The following EML5 variants were observed in gnomAD, a reference collection of about 807,000 sequenced individuals.
EML5 encodes EMAP like 5, also known as echinoderm microtubule-associated protein-like 5.
A neutral mutation model predicts 250.0 loss-of-function variants in EML5; 120 were observed. The observed-to-expected ratio is 0.48, with a 90% CI of 0.41 to 0.56. The LOEUF is 0.56. Among genes scored for constraint, EML5 ranks in the 20% least tolerant of loss-of-function variants. EML5 has a pLI of 0.00. For synonymous variants in EML5, 771 were observed against 806.5 expected (o/e 0.96, Z 0.75); for missense variants, 2,006 against 2,437.6 (o/e 0.82, Z 3.73).
intron 5 of EML5, 107 bp from the exon 6 acceptor site, chr14:88,739,121 T>C (rs2093888284): frequency 9.2e-7 from 1 of 1,089,404 alleles, no homozygotes. Flanking sequence ...TGGTAGGATA[T>C]AAGAATAAAC....
intron 6 of EML5, 90 bp downstream of exon 6, chr14:88,738,789 A>G: frequency 7.1e-7 from 1 of 1,407,294 alleles, no homozygotes; most frequent in South Asian, 1.4e-5. Flanking sequence ...TTATATTTAC[A>G]AAACTTACAT....
At chr14:88,632,767 G>C (rs954278504) in intron 33 of EML5, among the ~76,000 whole-genome samples, 1 of 152,156 alleles carries the variant, frequency 6.6e-6, no homozygotes, top group East Asian at 1.9e-4. Flanking sequence ...GCTTTCTTCA[G>C]GGCGTTTGGT....
chr14:88,754,731 G>T (rs755962863), intron 1 of EML5, 60 bp from the exon 2 acceptor site: 5 of 1,387,696 alleles, frequency 3.6e-6, no homozygotes, highest in Non-Finnish European at 5.0e-6. Context: ...AGATTTTATA[G>T]TATTTGGTAG....
intron 21 of EML5, among the ~76,000 whole-genome samples, chr14:88,676,497 C>A (rs2092596915): frequency 6.6e-6 from 1 of 152,206 alleles, no homozygotes; most frequent in Non-Finnish European, 1.5e-5. Context: ...GTCCCTCCCA[C>A]AACATGTAGG....
Position 88,697,577 on chromosome 14 carries a change from G to A in EML5, c.2239-625C>T, listed in dbSNP as rs930776834. On this transcript the variant is annotated intron_variant, in intron 14 of 43. Transcript: ENST00000554922. ...AACTTGGTTTATGATGTTCACTAATGCACAGGTAAACTATCAATTCTTAAT... is the reference window on the plus strand; with the variant it reads ...AACTTGGTTTATGATGTTCACTAATACACAGGTAAACTATCAATTCTTAAT... 6.6e-5 allele frequency among the ~76,000 whole-genome samples: 10 copies of A among 152,126 alleles called. No individual in the cohort carries two copies. The East Asian group carries it at 1.7e-3, about 26-fold the overall frequency.
At chr14:88,662,717 T>C (rs1303385691) in intron 24 of EML5, among the ~76,000 whole-genome samples, 1 of 151,744 alleles carries the variant, frequency 6.6e-6, no homozygotes, top group Non-Finnish European at 1.5e-5. Flanking sequence ...TAATTTTTTG[T>C]ATTTTTTTGT....
At chr14:88,736,003 CTT>C (rs11321542) in intron 7 of EML5, among the ~76,000 whole-genome samples, 122 of 122,114 alleles carry the variant, frequency 1.0e-3, no homozygotes, top group East Asian at 4.0e-3. Flanking sequence ...TTTTTTCTTT[CTT>C]TTTTTTTTTT....
At position 88,792,701 on chromosome 14, in the gene EML5, G is replaced by T. The variant is rs936399410; in HGVS notation, c.-198C>A. On this transcript the variant is annotated 5_prime_UTR_variant, in exon 1 of 44. Coordinates refer to ENST00000554922, the MANE Select transcript of EML5 (RefSeq NM_183387.3). The surrounding 1 kb of genome is among the most constrained non-coding windows in gnomAD (Gnocchi z 6.9). Reference sequence around the variant, plus strand: ...CAGGCGGGAGGAAAACCCTCGCCTCGCGGAACATGCTGAGGGCCGCGAGCG... The same window carrying T: ...CAGGCGGGAGGAAAACCCTCGCCTCTCGGAACATGCTGAGGGCCGCGAGCG... The T allele has an allele frequency of 1.1e-5, 12 of 1,119,692 alleles. No individual in the cohort carries two copies. In the African/African-American group the frequency reaches 2.0e-4, roughly 18 times the overall value. The allele number at this position is 1,119,692 out of a possible 1,614,324, so 69.4% of individuals were successfully genotyped here.
intron 1 of EML5, among the ~76,000 whole-genome samples, chr14:88,776,759 T>C (rs1042831234): frequency 1.3e-5 from 2 of 151,736 alleles, no homozygotes; most frequent in Non-Finnish European, 2.9e-5. Flanking sequence ...CACATGACTG[T>C]AGTCCCAGCT....
intron 21 of EML5, among the ~76,000 whole-genome samples, chr14:88,671,624 A>T (rs1163634474): frequency 6.6e-6 from 1 of 152,200 alleles, no homozygotes; most frequent in Admixed American, 6.5e-5. Context: ...ATAAAGAGTC[A>T]CAACCCACTG....
At position 88,657,392 on chromosome 14, in the gene EML5, GTTCT is replaced by G. The variant is rs1812765395; in HGVS notation, c.3984_3987del (p.Lys1328AsnfsTer10). On this transcript the variant is annotated frameshift_variant, in exon 27 of 44. Transcript: ENST00000554922. LOFTEE classifies it high-confidence loss of function. ...AATTATTACCTTTCATCAATTGAGGGTTCTTTTTGTTGTAAATGAGGCTTGATTC... is the reference window on the plus strand; with the variant it reads ...AATTATTACCTTTCATCAATTGAGGGTTTTGTTGTAAATGAGGCTTGATTC... 6.3e-7 allele frequency: 1 copy of G among 1,577,882 alleles called. No individual in the cohort carries two copies. The highest frequency in any genetic ancestry group is 8.6e-7 in the Non-Finnish European group (1 of 1,159,434).
rs766046600 is a variant in EML5 at position 88,702,460 on chromosome 14, C to G, written c.2224G>C (p.Val742Leu). 5 of 1,610,904 alleles carry G rather than the reference C, an allele frequency of 3.1e-6. No individual in the cohort carries two copies. Among genetic ancestry groups the G allele is most frequent in the Admixed American group, 3.4e-5 (2 of 59,602 alleles). The stretch of plus-strand genomic sequence containing the variant: ...TTCAAACCTACCTGGCCTGTTGCCA[C>G]GTAGTCTTTCAAAGGATGAATAGTT... ...CLTIHPLKDY[V>L]ATGQVGRDPS... The change falls in exon 14 of 44, where the codon GTG (valine) becomes CTG (leucine). Residue 742 changes from valine to leucine, a missense_variant. Physicochemically the swap from Val to Leu is conservative, Grantham distance 32. Coordinates refer to ENST00000554922, the MANE Select transcript of EML5 (RefSeq NM_183387.3).
At chr14:88,618,590 T>TA (rs780941617) in intron 40 of EML5, 60 bp downstream of exon 40, 38 of 1,544,644 alleles carry the variant, frequency 2.5e-5, no homozygotes, top group Non-Finnish European at 3.3e-5. Flanking sequence ...ATGCATTCAC[T>TA]AACACGAAAT....
intron 21 of EML5, among the ~76,000 whole-genome samples, chr14:88,670,332 A>G (rs1456950823): frequency 1.3e-5 from 2 of 151,332 alleles, no homozygotes; most frequent in Admixed American, 6.6e-5. Context: ...AAAAAAAAAA[A>G]AAAAGGAGAA....
chr14:88,713,515 T>C (rs1276853557), intron 9 of EML5, among the ~76,000 whole-genome samples: 1 of 152,182 alleles, frequency 6.6e-6, no homozygotes, highest in Non-Finnish European at 1.5e-5. Flanking sequence ...TCTTGCTCTT[T>C]CACCCAGGCT....
intron 18 of EML5, among the ~76,000 whole-genome samples, 161 bp from the exon 19 acceptor site, chr14:88,687,488 G>T (rs536295756): frequency 6.6e-6 from 1 of 152,052 alleles, no homozygotes; most frequent in Non-Finnish European, 1.5e-5. Context: ...TTTTTAAACC[G>T]TCTACATGGA....
intron 30 of EML5, 48 bp downstream of exon 30, chr14:88,644,385 A>G: frequency 1.3e-6 from 2 of 1,560,660 alleles, no homozygotes; most frequent in South Asian, 1.2e-5. Flanking sequence ...TTTATAAAAA[A>G]GAACTCTGGA....
chr14:88,614,599 T>G lies in EML5; in HGVS notation c.*1219A>C, dbSNP rs1418100281. On this transcript the variant is annotated 3_prime_UTR_variant, in exon 44 of 44. Transcript: ENST00000554922. ...TAGGGTCAATACAGCATCTTAAACC[T>G]CACACTTAGAAAAATATATTTTTAA... is the stretch of plus-strand genomic sequence containing the variant. 1 of 152,154 alleles carries G rather than the reference T, an allele frequency of 6.6e-6. No homozygotes were observed. Among genetic ancestry groups the G allele is most frequent in the Non-Finnish European group, 1.5e-5 (1 of 68,028 alleles). 9.4% of individuals were successfully genotyped at this position (152,154 alleles called of 1,614,324 possible). A position where few individuals can be genotyped will look rare whatever the true frequency, so the allele number is the denominator to read the frequency against.
chr14:88,792,451 C>T lies in EML5; in HGVS notation c.53G>A (p.Gly18Asp), dbSNP rs1419649237. The T allele has an allele frequency of 1.5e-5, 23 of 1,523,756 alleles. No individual in the cohort carries two copies. Among genetic ancestry groups the T allele is most frequent in the Non-Finnish European group, 1.9e-5 (22 of 1,134,910 alleles). 94.4% of individuals were successfully genotyped at this position (1,523,756 alleles called of 1,614,324 possible). The part of the protein sequence containing the change: ...SCHLRLEWVY[G>D]YRGHQCRNNL... ...GTTGCGGCACTGGTGGCCCCGGTAGCCGTACACCCACTCGAGCCGCAGGTG... is the reference window on the plus strand; with the variant it reads ...GTTGCGGCACTGGTGGCCCCGGTAGTCGTACACCCACTCGAGCCGCAGGTG... Residue 18 changes from glycine (G) to aspartate (D), a missense_variant, in exon 1 of 44, where the codon GGC (glycine) becomes GAC (aspartate). By Grantham distance (94) the Gly-to-Asp change is moderately conservative (BLOSUM62 -1). Transcript: ENST00000554922. The surrounding 1 kb of genome is among the most constrained non-coding windows in gnomAD (Gnocchi z 6.9).
Sources: allele counts gnomAD v4.1 joint callset (sites outside exome capture counted in the v4.1 genomes callset), GRCh38; gene constraint gnomAD v4.1.1; non-coding constraint Gnocchi (gnomAD v3.1); transcripts MANE v1.5; gene names NCBI Gene and HGNC (gene_info 2026-07-23, HGNC 2026-07-21).